CAPN11: variants seen among roughly 807,000 people sequenced by gnomAD.
The protein encoded by CAPN11 is calpain-11.
Under a neutral mutation model 105.3 loss-of-function variants are expected in CAPN11, and 108 were observed. That is an observed-to-expected ratio of 1.03 (90% CI 0.88 to 1.20). CAPN11 has a LOEUF of 1.20. CAPN11 is among the 50% of genes most tolerant of loss of function. The pLI, the probability that CAPN11 is intolerant of heterozygous loss-of-function variation, is 0.00. For missense variants in CAPN11, 883 were observed against 924.8 expected (o/e 0.95, Z 0.59); for synonymous variants, 329 against 344.5 (o/e 0.96, Z 0.50).
intron 1 of CAPN11, among the ~76,000 whole-genome samples, chr6:44,160,740 C>T (rs749777369): frequency 5.3e-5 from 8 of 152,366 alleles, no homozygotes; most frequent in Non-Finnish European, 1.2e-4. Flanking sequence ...TGCCTTTTAA[C>T]ATGCAGCAGC....
intron 3 of CAPN11, 53 bp downstream of exon 3, chr6:44,169,584 ATCC>A: frequency 6.8e-7 from 1 of 1,460,248 alleles, no homozygotes; most frequent in Non-Finnish European, 9.1e-7. Flanking sequence ...GCTTGTAGTG[ATCC>A]CTCTATCACT....
chr6:44,170,353 A>G (rs2128300091), intron 4 of CAPN11, among the ~76,000 whole-genome samples: 1 of 152,328 alleles, frequency 6.6e-6, no homozygotes, highest in African/African-American at 2.4e-5. Context: ...AGGAGGTTAC[A>G]GTCAAGACGT....
intron 19 of CAPN11, among the ~76,000 whole-genome samples, 186 bp from the exon 20 acceptor site, chr6:44,182,755 T>C (rs1037860400): frequency 6.6e-6 from 1 of 152,086 alleles, no homozygotes; most frequent in Non-Finnish European, 1.5e-5. Context: ...TGTAGTTTTA[T>C]TAGAGACGGG....
rs772076588 is a variant in CAPN11, at chr6:44,176,584, C to T, written c.1005C>T (p.Ala335=). The change falls in exon 10 of 23, where the codon GCC becomes GCT. Residue 335 remains alanine (A), a synonymous_variant. Transcript: ENST00000398776. ...IEWNGAWSDS[A]REWEEVASDI... ...CCACCGCCCATCTCTGCTCCAGTGC[C>T]AGGGAGTGGGAAGAGGTGGCCTCAG... 6.2e-7 allele frequency: 1 copy of T among 1,612,314 alleles called. No homozygotes were observed. The highest frequency in any genetic ancestry group is 1.1e-5 in the South Asian group (1 of 90,956).
intron 2 of CAPN11, among the ~76,000 whole-genome samples, chr6:44,168,039 A>C (rs900775581): frequency 3.9e-5 from 6 of 152,260 alleles, no homozygotes; most frequent in East Asian, 1.9e-4. Flanking sequence ...ATGGAAAAAA[A>C]CCCAAAAAAC....
chr6:44,168,363 G>A (rs1465793890), intron 2 of CAPN11, among the ~76,000 whole-genome samples: 2 of 152,136 alleles, frequency 1.3e-5, no homozygotes, highest in Non-Finnish European at 2.9e-5. Flanking sequence ...TCTGCCTCCT[G>A]TGTTCAAGCA....
chr6:44,170,246 A>T (rs557751651), intron 4 of CAPN11, among the ~76,000 whole-genome samples: 1 of 152,188 alleles, frequency 6.6e-6, no homozygotes, highest in South Asian at 2.1e-4. Context: ...ATTACCTAGG[A>T]CTTAGCAACT....
chr6:44,162,766 T>A (rs1769131628), intron 1 of CAPN11, among the ~76,000 whole-genome samples: 1 of 152,010 alleles, frequency 6.6e-6, no homozygotes, highest in African/African-American at 2.4e-5. Context: ...GGGGGAGGAA[T>A]CGCATGGGAG....
intron 5 of CAPN11, 39 bp downstream of exon 5, chr6:44,172,459 G>A (rs1219131008): frequency 8.0e-7 from 1 of 1,248,748 alleles, no homozygotes. Flanking sequence ...CTTTGTTGGG[G>A]GCGGGGGAAG....
intron 2 of CAPN11, among the ~76,000 whole-genome samples, chr6:44,168,307 T>A (rs992072655): frequency 6.6e-6 from 1 of 152,236 alleles, no homozygotes; most frequent in Admixed American, 6.5e-5. Flanking sequence ...CCTCACTCTG[T>A]CGCCCATGCT....
intron 7 of CAPN11, among the ~76,000 whole-genome samples, chr6:44,173,809 C>T (rs959701035): frequency 3.9e-5 from 6 of 152,122 alleles, no homozygotes; most frequent in African/African-American, 1.4e-4. Flanking sequence ...GTCTCGAACT[C>T]CTGACCTCAA....
intron 3 of CAPN11, 58 bp downstream of exon 3, chr6:44,169,589 T>G: frequency 1.4e-6 from 2 of 1,449,108 alleles, no homozygotes; most frequent in Non-Finnish European, 1.8e-6. Context: ...TAGTGATCCC[T>G]CTATCACTTT....
intron 1 of CAPN11, among the ~76,000 whole-genome samples, chr6:44,162,407 A>C (rs1769037112): frequency 6.8e-6 from 1 of 146,894 alleles, no homozygotes; most frequent in Non-Finnish European, 1.5e-5. Flanking sequence ...ACACACACAC[A>C]CACCTGTAAT....
At chr6:44,181,414 A>G in intron 19 of CAPN11, 94 bp downstream of exon 19, 2 of 826,112 alleles carry the variant, frequency 2.4e-6, no homozygotes, top group Admixed American at 5.1e-5. Context: ...CCCAAGCCCT[A>G]ACCACACACA....
intron 12 of CAPN11, 181 bp downstream of exon 12, chr6:44,177,601 C>A (rs1310899989): frequency 5.0e-6 from 3 of 601,546 alleles, no homozygotes; most frequent in Non-Finnish European, 8.8e-6. Flanking sequence ...GATTCTCGTG[C>A]CTCAGCCTTC....
chr6:44,166,938 T>TGGGGTGG, intron 2 of CAPN11, 109 bp downstream of exon 2: 4 of 276,478 alleles, frequency 1.4e-5, no homozygotes, highest in East Asian at 9.6e-5. Flanking sequence ...TCATGTTGTG[T>TGGGGTGG]GGGGAGGGCG....
At position 44,184,080 on chromosome 6, in the gene CAPN11, C is replaced by T. The variant is rs906107886; in HGVS notation, c.*148C>T. The T allele has an allele frequency of 1.8e-4, 146 of 802,424 alleles. No individual in the cohort carries two copies. The African/African-American group carries it at 1.9e-3, about 11-fold the overall frequency. The allele number at this position is 802,424 out of a possible 1,614,324, so 49.7% of individuals were successfully genotyped here. A position where few individuals can be genotyped will look rare whatever the true frequency, so the allele number is the denominator to read the frequency against. Reference sequence around the variant, plus strand: ...GTGGCAGTGCCCGGGTCCCAGGTGCCGTGTTTACTGCAGCAGTGGGACCTC... The same window carrying T: ...GTGGCAGTGCCCGGGTCCCAGGTGCTGTGTTTACTGCAGCAGTGGGACCTC... On this transcript the variant is annotated 3_prime_UTR_variant, in exon 23 of 23. Transcript: ENST00000398776.
In CAPN11 at chr6:44,169,984, G is replaced by C. The variant is rs924630047; in HGVS notation, c.409+9G>C. On this transcript the variant is annotated intron_variant, in intron 4 of 22. Transcript: ENST00000398776. The stretch of plus-strand genomic sequence containing the variant: ...CTGCCAGGGGATCCTCGGTGAGTGG[G>C]GCACAGGAAGCTGGTCTCCACCTGG... 1 of 1,604,946 alleles carries C rather than the reference G, an allele frequency of 6.2e-7. No individual in the cohort carries two copies. The highest frequency in any genetic ancestry group is 8.5e-7 in the Non-Finnish European group (1 of 1,174,332).
intron 5 of CAPN11, 49 bp from the exon 6 acceptor site, chr6:44,172,891 G>T (rs1427291359): frequency 6.3e-7 from 1 of 1,594,110 alleles, no homozygotes; most frequent in Non-Finnish European, 8.6e-7. Context: ...ACTAGGAGGC[G>T]CTTGATGATA....
Sources: allele counts gnomAD v4.1 joint callset (sites outside exome capture counted in the v4.1 genomes callset), GRCh38; gene constraint gnomAD v4.1.1; transcripts MANE v1.5; gene names NCBI Gene and HGNC (gene_info 2026-07-23, HGNC 2026-07-21).